The following POGZ variants were observed in gnomAD, a reference collection of about 807,000 sequenced individuals.
POGZ encodes pogo transposable element with ZNF domain.
Under a neutral mutation model 134.6 loss-of-function variants are expected in POGZ, and 17 were observed. The ratio of observed to expected loss-of-function variants is 0.13; its 90% CI spans 0.09 to 0.19. POGZ has a LOEUF of 0.19. Ranked by LOEUF, POGZ falls within the 10% of genes least tolerant of loss-of-function variation. The pLI is 1.00. For synonymous variants in POGZ, 693 were observed against 657.1 expected (o/e 1.05, Z -0.84); for missense variants, 1,306 against 1,769.7 (o/e 0.74, Z 4.70).
At chr1:151,450,376 T>A (rs1661899242) in intron 1 of POGZ, among the ~76,000 whole-genome samples, 1 of 151,934 alleles carries the variant, frequency 6.6e-6, no homozygotes, top group African/African-American at 2.4e-5. Context: ...AACTTTTAGG[T>A]CACAGGGTCT....
chr1:151,408,126 A>C lies in POGZ; in HGVS notation c.2349T>G (p.Ser783=). 1 of 1,613,716 alleles carries C rather than the reference A, an allele frequency of 6.2e-7. No individual in the cohort carries two copies. Residue 783 remains serine (S), a synonymous_variant, in exon 15 of 19, where the codon TCT becomes TCG. Coordinates refer to ENST00000271715, the MANE Select transcript of POGZ (RefSeq NM_015100.4). ...TGATCATGTGGTTGGCATAAGCTCG[A>C]GAACAGCAGGTGCTATAGCGACACA... ...CSLCRYSTCC[S]RAYANHMINN...
At chr1:151,420,081 A>G (rs988019201) in intron 10 of POGZ, among the ~76,000 whole-genome samples, 7 of 151,920 alleles carry the variant, frequency 4.6e-5, no homozygotes, top group Admixed American at 1.3e-4. Flanking sequence ...CCAGCTACTC[A>G]GGAGGCTGAG....
intron 8 of POGZ, 147 bp from the exon 9 acceptor site, chr1:151,424,433 G>A: frequency 1.8e-6 from 1 of 565,096 alleles, no homozygotes; most frequent in Non-Finnish European, 3.1e-6. Flanking sequence ...GCGTTTCCAA[G>A]TTTTACTCCT....
rs1653086700 is a variant in POGZ at position 151,403,657 on chromosome 1, G to A, written c.*1145C>T. On this transcript the variant is annotated 3_prime_UTR_variant, in exon 19 of 19. Coordinates refer to ENST00000271715, the MANE Select transcript of POGZ (RefSeq NM_015100.4). ...TGTCATTTTCTTTGTGCACACCCCT[G>A]TGCGCTTCTTCCTGTCAGATTCTTC... 2.0e-6 allele frequency: 2 copies of A among 985,546 alleles called. No individual in the cohort carries two copies. Among genetic ancestry groups the A allele is most frequent in the Non-Finnish European group, 2.4e-6 (2 of 829,778 alleles). The allele number at this position is 985,546 out of a possible 1,614,324, so 61.1% of individuals were successfully genotyped here. A position where few individuals can be genotyped will look rare whatever the true frequency, so the allele number is the denominator to read the frequency against.
At chr1:151,433,082 T>A (rs1301432014) in intron 3 of POGZ, among the ~76,000 whole-genome samples, 1 of 152,212 alleles carries the variant, frequency 6.6e-6, no homozygotes, top group Non-Finnish European at 1.5e-5. Flanking sequence ...TTTATCCTAA[T>A]TCTAAAAATT....
At chr1:151,434,135 C>T (rs995125789) in intron 3 of POGZ, among the ~76,000 whole-genome samples, 9 of 152,014 alleles carry the variant, frequency 5.9e-5, no homozygotes, top group Non-Finnish European at 7.4e-5. Flanking sequence ...ATGGTGAAAC[C>T]CCCATCTCTA....
At chr1:151,451,974 G>A (rs1662144712) in intron 1 of POGZ, among the ~76,000 whole-genome samples, 1 of 151,574 alleles carries the variant, frequency 6.6e-6, no homozygotes, top group Admixed American at 6.7e-5. Flanking sequence ...GTGGGCACCT[G>A]TAATCCCAGC....
intron 16 of POGZ, 58 bp downstream of exon 16, chr1:151,407,177 C>T: frequency 7.3e-7 from 1 of 1,377,408 alleles, no homozygotes; most frequent in Non-Finnish European, 1.0e-6. Flanking sequence ...AATGAAAAAC[C>T]TGAAAATTAA....
At chr1:151,435,181 G>A (rs944665960) in intron 3 of POGZ, among the ~76,000 whole-genome samples, 11 of 152,150 alleles carry the variant, frequency 7.2e-5, no homozygotes, top group Non-Finnish European at 1.5e-4. Flanking sequence ...GATTATAGGC[G>A]TGAGCCACTG....
At position 151,456,712 on chromosome 1, in the gene POGZ, G is replaced by A. The variant is rs7415002; in HGVS notation, c.-2+2440C>T. On this transcript the variant is annotated intron_variant, in intron 1 of 18. Coordinates refer to ENST00000271715, the MANE Select transcript of POGZ (RefSeq NM_015100.4). ...TCATGCCTGTAATCCCAGCACTTTGGGACGCCGAGGCAGGTGGATCGCCTG... is the reference window on the plus strand; with the variant it reads ...TCATGCCTGTAATCCCAGCACTTTGAGACGCCGAGGCAGGTGGATCGCCTG... 5.4e-3 allele frequency among the ~76,000 whole-genome samples: 829 copies of A among 152,254 alleles called. 17 individuals carry two copies. Among genetic ancestry groups the A allele is most frequent in the African/African-American group, 0.018 (759 of 41,538 alleles).
intron 3 of POGZ, among the ~76,000 whole-genome samples, chr1:151,437,569 T>G (rs1322748158): frequency 6.6e-6 from 1 of 150,934 alleles, no homozygotes; most frequent in African/African-American, 2.4e-5. Flanking sequence ...CTGGCCAACA[T>G]GGTGAAACCC....
chr1:151,441,902 T>C (rs1359088954), intron 2 of POGZ, among the ~76,000 whole-genome samples, 179 bp downstream of exon 2: 1 of 152,208 alleles, frequency 6.6e-6, no homozygotes, highest in Non-Finnish European at 1.5e-5. Flanking sequence ...TCTAGCTATA[T>C]GGATGAGGAA....
intron 3 of POGZ, among the ~76,000 whole-genome samples, chr1:151,437,669 T>C (rs574121749): frequency 1.3e-5 from 2 of 152,000 alleles, no homozygotes; most frequent in Non-Finnish European, 2.9e-5. Context: ...TGAGAATCGC[T>C]TGAACCAGGG....
rs114287226 is a variant in POGZ, at chr1:151,450,330, G to C, written c.-1-8125C>G. Among the ~76,000 whole-genome samples, 1,109 of 152,022 alleles carry C rather than the reference G, an allele frequency of 7.3e-3. 12 individuals are homozygous for C. The highest frequency in any genetic ancestry group is 0.025 in the African/African-American group (1,038 of 41,482). ...TTACAAGTATGAGCCACAGCACCCA[G>C]CCAGGAACTTGATTTTATCTTCATA... On this transcript the variant is annotated intron_variant, in intron 1 of 18. Transcript: ENST00000271715.
intron 10 of POGZ, among the ~76,000 whole-genome samples, chr1:151,416,064 C>T (rs1466214913): frequency 9.2e-5 from 14 of 151,542 alleles, no homozygotes; most frequent in Admixed American, 6.6e-4. Context: ...AAAAATTAGC[C>T]GGGTGTGGTG....
intron 3 of POGZ, among the ~76,000 whole-genome samples, chr1:151,439,923 T>C (rs1025616390): frequency 3.3e-5 from 5 of 152,152 alleles, no homozygotes; most frequent in Middle Eastern, 3.2e-3. Flanking sequence ...TTACAACCCA[T>C]TGTTAATAAG....
intron 3 of POGZ, among the ~76,000 whole-genome samples, chr1:151,437,258 C>A (rs973659102): frequency 1.1e-4 from 16 of 149,284 alleles, no homozygotes; most frequent in Admixed American, 6.7e-4. Flanking sequence ...TGTGGTTTGT[C>A]TTCTCCGTGT....
chr1:151,421,508 CAA>C (rs1432653887), intron 10 of POGZ, among the ~76,000 whole-genome samples: 1 of 151,972 alleles, frequency 6.6e-6, no homozygotes, highest in East Asian at 1.9e-4. Context: ...AATAAATGGT[CAA>C]AGAGATATAA....
chr1:151,432,539 G>A (rs1658870709), intron 3 of POGZ, among the ~76,000 whole-genome samples: 2 of 152,048 alleles, frequency 1.3e-5, no homozygotes, highest in South Asian at 2.1e-4. Flanking sequence ...TATCTATGGT[G>A]GGTTTTTTAA....
Sources: allele counts gnomAD v4.1 joint callset (sites outside exome capture counted in the v4.1 genomes callset), GRCh38; gene constraint gnomAD v4.1.1; transcripts MANE v1.5; gene names NCBI Gene and HGNC (gene_info 2026-07-23, HGNC 2026-07-21).